Variants in ADAMTS17 observed in about 807,000 individuals in gnomAD.
ADAMTS17 encodes A disintegrin and metalloproteinase with thrombospondin motifs 17.
In ADAMTS17, 113 loss-of-function variants were observed where a neutral mutation model predicts 141.5. That is an observed-to-expected ratio of 0.80 (90% confidence interval 0.69 to 0.93). The LOEUF (loss-of-function observed/expected upper bound fraction) is 0.93, where lower values mean the gene tolerates loss of function less well. Ranked by LOEUF, ADAMTS17 falls within the 40% of genes least tolerant of loss-of-function variation. The probability of loss-of-function intolerance (pLI) is 0.00; values close to 1 mark genes in which losing one functional copy is unlikely to be tolerated. For missense variants in ADAMTS17, 1,659 were observed against 1,517.9 expected, an observed-to-expected ratio of 1.09 and a Z score of -1.54; for synonymous variants, 768 against 630.6, an observed-to-expected ratio of 1.22 and a Z score of -3.27.
chr15:99,995,407 C>T (rs757471440), intron 19 of ADAMTS17, among the ~76,000 whole-genome samples: 39 of 152,216 alleles, frequency 2.6e-4, no homozygotes, highest in Non-Finnish European at 4.4e-5. Context: ...GACCAGCAAC[C>T]CATTCTCCTG....
chr15:100,244,356 C>T (rs1323001770), intron 7 of ADAMTS17, among the ~76,000 whole-genome samples: 1 of 142,532 alleles, frequency 7.0e-6, no homozygotes, highest in Non-Finnish European at 1.5e-5. Flanking sequence ...GATTCGAATG[C>T]AGGTTTAACT....
At chr15:100,249,081 C>T (rs4608319) in intron 7 of ADAMTS17, among the ~76,000 whole-genome samples, 1 of 152,000 alleles carries the variant, frequency 6.6e-6, no homozygotes, top group South Asian at 2.1e-4. Context: ...TTACAGGCGT[C>T]AGCCACCACG....
intron 8 of ADAMTS17, among the ~76,000 whole-genome samples, chr15:100,194,986 C>T (rs2041056573): frequency 6.6e-6 from 1 of 152,244 alleles, no homozygotes; most frequent in South Asian, 2.1e-4. Flanking sequence ...CGGTGCATTT[C>T]TCAAGCTACC....
At chr15:100,304,789 C>T (rs745615369) in intron 3 of ADAMTS17, among the ~76,000 whole-genome samples, 4 of 152,126 alleles carry the variant, frequency 2.6e-5, no homozygotes, top group African/African-American at 4.8e-5. Context: ...TTGAACTGTG[C>T]GGGCCCACTT....
rs1396026986 is a variant in ADAMTS17 at position 99,993,294 on chromosome 15, G to C, written c.2797-94C>G. The C allele has an allele frequency of 1.2e-5, 18 of 1,533,348 alleles. No homozygotes were observed. Among genetic ancestry groups the C allele is most frequent in the Non-Finnish European group, 1.6e-5 (18 of 1,114,050 alleles). The allele number at this position is 1,533,348 out of a possible 1,614,324, so 95.0% of individuals were successfully genotyped here. ...CCCTCCAATGTGCCAGGTGCGGTGT[G>C]GGGATGATACAAAGATGAAAACCCA... On this transcript the variant is annotated intron_variant, in intron 19 of 21. Coordinates refer to ENST00000268070, the MANE Select transcript of ADAMTS17 (RefSeq NM_139057.4). The surrounding 1 kb of genome is among the most constrained non-coding windows in gnomAD (Gnocchi z 4.3).
chr15:100,007,204 C>T (rs2061052718), intron 18 of ADAMTS17, among the ~76,000 whole-genome samples: 1 of 152,212 alleles, frequency 6.6e-6, no homozygotes, highest in African/African-American at 2.4e-5. Flanking sequence ...AAGCGGGGCT[C>T]AGCATTCAGA....
chr15:100,304,790 G>C (rs192678861), intron 3 of ADAMTS17, among the ~76,000 whole-genome samples: 1 of 152,104 alleles, frequency 6.6e-6, no homozygotes, highest in Non-Finnish European at 1.5e-5. Flanking sequence ...TGAACTGTGC[G>C]GGCCCACTTA....
rs566283612 is a variant in ADAMTS17 at position 100,113,125 on chromosome 15, C to A, written c.1888+3722G>T. On this transcript the variant is annotated intron_variant, in intron 13 of 21. Transcript: ENST00000268070. ...CCCTCATCAGTCCCCGGCGGACAGG[C>A]CTCTGCGGATTTTACCAGCAGTGAG... Among the ~76,000 whole-genome samples the A allele has an allele frequency of 1.4e-3, 215 of 152,266 alleles. 1 individual carries two copies. The highest frequency in any genetic ancestry group is 6.8e-3 in the Middle Eastern group (2 of 294).
intron 8 of ADAMTS17, among the ~76,000 whole-genome samples, chr15:100,160,203 C>G (rs367799621): frequency 6.6e-6 from 1 of 152,232 alleles, no homozygotes; most frequent in African/African-American, 2.4e-5. Context: ...TCTAAAACCT[C>G]TTTCCCTACC....
chr15:100,305,697 G>A (rs1229785505), intron 3 of ADAMTS17, among the ~76,000 whole-genome samples: 1 of 152,120 alleles, frequency 6.6e-6, no homozygotes, highest in Non-Finnish European at 1.5e-5. Flanking sequence ...CGTGAGGGTG[G>A]TTTTACTGAT....
At chr15:100,300,154 G>C (rs2044978009) in intron 3 of ADAMTS17, among the ~76,000 whole-genome samples, 1 of 152,100 alleles carries the variant, frequency 6.6e-6, no homozygotes, top group South Asian at 2.1e-4. Flanking sequence ...AACATGCCCA[G>C]GGCTGTTTAC....
intron 10 of ADAMTS17, among the ~76,000 whole-genome samples, chr15:100,138,493 A>G (rs930914494): frequency 6.6e-6 from 1 of 152,258 alleles, no homozygotes; most frequent in Non-Finnish European, 1.5e-5. Context: ...AATGAAATAT[A>G]TAATTGTTGA....
intron 15 of ADAMTS17, among the ~76,000 whole-genome samples, chr15:100,094,386 G>T (rs566534183): frequency 1.8e-4 from 28 of 152,366 alleles, no homozygotes; most frequent in African/African-American, 6.5e-4. Flanking sequence ...GGATGGAGAA[G>T]GGAAAGGGGT....
At chr15:100,108,859 A>T in intron 14 of ADAMTS17, 130 bp downstream of exon 14, 1 of 1,512,336 alleles carries the variant, frequency 6.6e-7, no homozygotes, top group Non-Finnish European at 9.1e-7. Context: ...AGGCGGCATC[A>T]CTGGGTGCCT....
At chr15:100,340,999 C>T in intron 2 of ADAMTS17, 40 bp downstream of exon 2, 1 of 1,524,066 alleles carries the variant, frequency 6.6e-7, no homozygotes, top group South Asian at 1.2e-5. Context: ...TGCGTCGCAA[C>T]AGACCGGACG....
At chr15:100,190,375 C>A (rs1233755200) in intron 8 of ADAMTS17, among the ~76,000 whole-genome samples, 2 of 152,204 alleles carry the variant, frequency 1.3e-5, no homozygotes, top group Admixed American at 6.5e-5. Flanking sequence ...AAAGTGAGAG[C>A]AAGCCATCTG....
At chr15:100,327,531 C>A (rs138928147) in intron 3 of ADAMTS17, among the ~76,000 whole-genome samples, 30 of 152,282 alleles carry the variant, frequency 2.0e-4, no homozygotes, top group Non-Finnish European at 3.7e-4. Flanking sequence ...CTACCACACA[C>A]ATGTGAAATA....
chr15:100,023,204 A>ATTT (rs201830207), intron 18 of ADAMTS17, among the ~76,000 whole-genome samples: 1 of 146,134 alleles, frequency 6.8e-6, no homozygotes, highest in South Asian at 2.2e-4. Flanking sequence ...AAATAAAAAA[A>ATTT]TTTTTTTTTT....
intron 8 of ADAMTS17, 73 bp downstream of exon 8, chr15:100,199,245 C>A: frequency 1.5e-6 from 2 of 1,371,832 alleles, no homozygotes; most frequent in South Asian, 2.3e-5. Context: ...TTAGAACTTA[C>A]AGAATTCAAG....
Sources: allele counts gnomAD v4.1 joint callset (sites outside exome capture counted in the v4.1 genomes callset), GRCh38; gene constraint gnomAD v4.1.1; non-coding constraint Gnocchi (gnomAD v3.1); transcripts MANE v1.5; gene names NCBI Gene and HGNC (gene_info 2026-07-23, HGNC 2026-07-21).